The following SLC8A1 variants were observed in gnomAD, a reference collection of about 807,000 sequenced individuals.
SLC8A1 encodes solute carrier family 8 member A1, also known as sodium/calcium exchanger 1.
SLC8A1 carries 18 observed loss-of-function variants against 68.3 expected under a neutral mutation model. The observed-to-expected ratio is 0.26, with a 90% CI of 0.18 to 0.39. The LOEUF is 0.39. SLC8A1 is among the 10% of genes least tolerant of loss of function. The pLI is 1.00. For synonymous variants in SLC8A1, 475 were observed against 415.5 expected, an observed-to-expected ratio of 1.14 and a Z score of -1.74; for missense variants, 985 against 1,156.7, an observed-to-expected ratio of 0.85 and a Z score of 2.15.
At chr2:40,208,522 T>A (rs2055933758) in intron 2 of SLC8A1, 1 of 152,122 alleles carries the variant, frequency 6.6e-6, no homozygotes, top group Admixed American at 6.6e-5. Flanking sequence ...GAGGGCAGCT[T>A]GTCTGAGAAT....
At chr2:40,415,015 T>C (rs1444866099) in intron 2 of SLC8A1, among the ~76,000 whole-genome samples, 4 of 152,114 alleles carry the variant, frequency 2.6e-5, no homozygotes, top group African/African-American at 9.7e-5. Context: ...CAGAAATTTG[T>C]TGTAAAAGGG....
intron 1 of SLC8A1, among the ~76,000 whole-genome samples, chr2:40,477,703 G>GT (rs1704375027): frequency 6.6e-6 from 1 of 152,058 alleles, no homozygotes; most frequent in Admixed American, 6.6e-5. Context: ...AGATGAGTGT[G>GT]TTTTTGTGTG....
intron 7 of SLC8A1, among the ~76,000 whole-genome samples, chr2:40,127,617 C>T (rs1025277851): frequency 5.9e-5 from 9 of 152,100 alleles, no homozygotes; most frequent in African/African-American, 1.9e-4. Flanking sequence ...CTGTGGACCC[C>T]AGTGGGGGTC....
intron 2 of SLC8A1, among the ~76,000 whole-genome samples, chr2:40,181,492 C>G (rs2049554721): frequency 6.6e-6 from 1 of 152,110 alleles, no homozygotes; most frequent in Non-Finnish European, 1.5e-5. Flanking sequence ...ACATCTAAAA[C>G]AGATGGAATT....
intron 1 of SLC8A1, among the ~76,000 whole-genome samples, chr2:40,508,421 T>C (rs533726740): frequency 1.3e-5 from 2 of 152,114 alleles, no homozygotes; most frequent in South Asian, 2.1e-4. Flanking sequence ...TTTAGAAAAT[T>C]GTTGCTATCC....
chr2:40,238,147 C>T (rs2060669537), intron 2 of SLC8A1, among the ~76,000 whole-genome samples: 1 of 151,926 alleles, frequency 6.6e-6, no homozygotes, highest in Non-Finnish European at 1.5e-5. Context: ...TTCGAGCTTC[C>T]CGGCTGCTTT....
intron 2 of SLC8A1, chr2:40,251,821 CTAATCCAACCA>C (rs1305124805): frequency 2.0e-5 from 3 of 152,108 alleles, no homozygotes; most frequent in Admixed American, 6.6e-5. Flanking sequence ...AGAAGTTGGT[CTAATCCAACCA>C]TATATACAAA....
At chr2:40,399,451 G>C (rs912707705) in intron 2 of SLC8A1, among the ~76,000 whole-genome samples, 1 of 152,050 alleles carries the variant, frequency 6.6e-6, no homozygotes, top group Non-Finnish European at 1.5e-5. Context: ...TAGGCTCTTA[G>C]GATGACCTTC....
chr2:40,242,406 A>T (rs1397357792), intron 2 of SLC8A1, among the ~76,000 whole-genome samples: 1 of 152,148 alleles, frequency 6.6e-6, no homozygotes. Flanking sequence ...TTGTAACCTC[A>T]TTGTTGTCCT....
At chr2:40,320,964 C>G (rs1478918764) in intron 2 of SLC8A1, among the ~76,000 whole-genome samples, 1 of 152,134 alleles carries the variant, frequency 6.6e-6, no homozygotes, top group Non-Finnish European at 1.5e-5. Context: ...ACTGCCCACT[C>G]TAACCATGCA....
At chr2:40,479,276 T>G (rs936038500) in intron 1 of SLC8A1, among the ~76,000 whole-genome samples, 1 of 152,210 alleles carries the variant, frequency 6.6e-6, no homozygotes, top group South Asian at 2.1e-4. Context: ...TGTCAAAATT[T>G]GTATCTTTTG....
At chr2:40,339,428 C>G (rs1667013931) in intron 2 of SLC8A1, among the ~76,000 whole-genome samples, 1 of 152,168 alleles carries the variant, frequency 6.6e-6, no homozygotes, top group Non-Finnish European at 1.5e-5. Flanking sequence ...GTTGAGGGCT[C>G]TCTAAAGTGA....
chr2:40,479,197 G>A (rs1322733223), intron 1 of SLC8A1, among the ~76,000 whole-genome samples: 2 of 152,204 alleles, frequency 1.3e-5, no homozygotes, highest in Non-Finnish European at 2.9e-5. Context: ...ATTTTTGACT[G>A]AATGTTGGAG....
intron 2 of SLC8A1, among the ~76,000 whole-genome samples, chr2:40,398,567 T>A (rs1003731141): frequency 6.6e-6 from 1 of 152,092 alleles, no homozygotes; most frequent in Non-Finnish European, 1.5e-5. Flanking sequence ...TCAAATAAAT[T>A]TCCTACGTAC....
At chr2:40,304,568 G>A (rs188173198) in intron 2 of SLC8A1, among the ~76,000 whole-genome samples, 70 of 152,186 alleles carry the variant, frequency 4.6e-4, no homozygotes, top group African/African-American at 1.7e-3. Context: ...CCTGGGTTTG[G>A]CACATGGCCT....
intron 2 of SLC8A1, chr2:40,255,336 C>G (rs912813237): frequency 1.3e-5 from 2 of 152,122 alleles, no homozygotes; most frequent in Admixed American, 6.6e-5. Flanking sequence ...GGCAGGGATA[C>G]AGATCCTCAG....
At chr2:40,418,783 C>G (rs186042389) in intron 2 of SLC8A1, among the ~76,000 whole-genome samples, 42 of 152,272 alleles carry the variant, frequency 2.8e-4, no homozygotes, top group Non-Finnish European at 5.3e-4. Flanking sequence ...CTTCTGGTCT[C>G]CATCAGAGAG....
chr2:40,325,640 T>C (rs1025265024), intron 2 of SLC8A1, among the ~76,000 whole-genome samples: 12 of 151,658 alleles, frequency 7.9e-5, no homozygotes, highest in African/African-American at 1.9e-4. Context: ...ATTTCAGTCA[T>C]AAAAAATAAG....
intron 2 of SLC8A1, among the ~76,000 whole-genome samples, chr2:40,328,343 A>T (rs1201346174): frequency 6.6e-6 from 1 of 152,100 alleles, no homozygotes; most frequent in Non-Finnish European, 1.5e-5. Flanking sequence ...CCCCCGTTCC[A>T]TTTGATGTGA....
Sources: allele counts gnomAD v4.1 joint callset (sites outside exome capture counted in the v4.1 genomes callset), GRCh38; gene constraint gnomAD v4.1.1; transcripts MANE v1.5; gene names NCBI Gene and HGNC (gene_info 2026-07-23, HGNC 2026-07-21).